Variants in TRAF3 observed in about 807,000 individuals in gnomAD.
TRAF3 encodes the protein TNF receptor-associated factor 3.
Under a neutral mutation model 62.3 loss-of-function variants are expected in TRAF3, and 13 were observed. The ratio of observed to expected loss-of-function variants is 0.21; its 90% CI spans 0.14 to 0.33. The LOEUF (loss-of-function observed/expected upper bound fraction) is 0.33, where lower values mean the gene tolerates loss of function less well. Among genes scored for constraint, TRAF3 ranks in the 10% least tolerant of loss-of-function variants. TRAF3 has a pLI of 1.00. For missense variants in TRAF3, 440 were observed against 741.8 expected (o/e 0.59, Z 4.73); for synonymous variants, 269 against 283.4 (o/e 0.95, Z 0.51).
intron 1 of TRAF3, among the ~76,000 whole-genome samples, chr14:102,787,206 CA>C (rs1287586244): frequency 6.6e-6 from 1 of 151,910 alleles, no homozygotes; most frequent in Non-Finnish European, 1.5e-5. Context: ...TATTGGACTG[CA>C]AATAAATTAT....
At chr14:102,821,783 C>A (rs1307083681) in intron 1 of TRAF3, among the ~76,000 whole-genome samples, 1 of 152,208 alleles carries the variant, frequency 6.6e-6, no homozygotes, top group Non-Finnish European at 1.5e-5. Flanking sequence ...GTGGCTCACG[C>A]CTGTAATCCC....
At chr14:102,870,665 C>G (rs944962530) in intron 3 of TRAF3, among the ~76,000 whole-genome samples, 3 of 152,172 alleles carry the variant, frequency 2.0e-5, no homozygotes, top group African/African-American at 4.8e-5. Flanking sequence ...CTGCCCCGCC[C>G]GTGTCTTCCC....
chr14:102,819,662 G>C (rs1899772984), intron 1 of TRAF3, among the ~76,000 whole-genome samples: 1 of 152,216 alleles, frequency 6.6e-6, no homozygotes, highest in Non-Finnish European at 1.5e-5. Context: ...CCACACCTTT[G>C]TGACTCTCAG....
intron 1 of TRAF3, among the ~76,000 whole-genome samples, chr14:102,824,475 A>T (rs1024783591): frequency 2.0e-5 from 3 of 152,228 alleles, no homozygotes; most frequent in African/African-American, 7.2e-5. Context: ...CTGTGGCCCC[A>T]GTGGCACCTA....
chr14:102,891,254 C>T (rs944037805), intron 8 of TRAF3, 71 bp from the exon 9 acceptor site: 41 of 1,384,604 alleles, frequency 3.0e-5, no homozygotes, highest in African/African-American at 7.1e-5. Context: ...CTTTTAGGGT[C>T]GTATGTTAGC....
At position 102,903,655 on chromosome 14, in the gene TRAF3, G is replaced by A. The variant is rs1214280023; in HGVS notation, c.1135+226G>A. The A allele has an allele frequency of 1.4e-5, 10 of 697,136 alleles. No individual in the cohort carries two copies. Among genetic ancestry groups the A allele is most frequent in the Admixed American group, 6.2e-5 (3 of 48,220 alleles). 43.2% of individuals were successfully genotyped at this position (697,136 alleles called of 1,614,324 possible). ...TCCCCTCCGTGTGAGGCCCTACATG[G>A]TGTAGAAAGTAGGGGCAGCTGCAGC... is the stretch of plus-strand genomic sequence containing the variant. On this transcript the variant is annotated intron_variant, in intron 11 of 11. Coordinates refer to ENST00000392745, the MANE Select transcript of TRAF3 (RefSeq NM_145725.3). This position sits in a 1 kb window ranked among gnomAD's most constrained non-coding sequence, Gnocchi z 6.4.
At chr14:102,804,378 T>C (rs1898641051) in intron 1 of TRAF3, among the ~76,000 whole-genome samples, 2 of 152,336 alleles carry the variant, frequency 1.3e-5, no homozygotes, top group African/African-American at 4.8e-5. Flanking sequence ...ATGAAAATTA[T>C]CAGTATGTCC....
At chr14:102,849,597 A>G (rs2139721340) in intron 2 of TRAF3, among the ~76,000 whole-genome samples, 1 of 152,294 alleles carries the variant, frequency 6.6e-6, no homozygotes, top group South Asian at 2.1e-4. Context: ...AGTCTGCCTG[A>G]GTCACTTGGT....
chr14:102,819,998 C>G (rs1899793205), intron 1 of TRAF3, among the ~76,000 whole-genome samples: 1 of 152,218 alleles, frequency 6.6e-6, no homozygotes. Flanking sequence ...TGCTGAAATA[C>G]AAAGGAAGAA....
chr14:102,897,526 T>C, intron 10 of TRAF3, 125 bp downstream of exon 10: 1 of 1,285,334 alleles, frequency 7.8e-7, no homozygotes, highest in Admixed American at 2.1e-5. Context: ...GGCAACTGAT[T>C]TCTCTGGCCT....
At chr14:102,780,057 C>T (rs1330429508) in intron 1 of TRAF3, among the ~76,000 whole-genome samples, 2 of 152,138 alleles carry the variant, frequency 1.3e-5, no homozygotes, top group Non-Finnish European at 2.9e-5. Flanking sequence ...TAATAACTGA[C>T]TTCAGATACA....
chr14:102,848,141 G>C (rs375499558), intron 2 of TRAF3, among the ~76,000 whole-genome samples: 3 of 152,316 alleles, frequency 2.0e-5, no homozygotes, highest in African/African-American at 7.2e-5. Flanking sequence ...TTCTCTAGGA[G>C]TTTGAAAGAA....
chr14:102,885,287 TCAG>T (rs1304118674), intron 6 of TRAF3, among the ~76,000 whole-genome samples: 1 of 152,170 alleles, frequency 6.6e-6, no homozygotes, highest in Non-Finnish European at 1.5e-5. Flanking sequence ...CCCAGTTCCT[TCAG>T]CAGAACAGCA....
At chr14:102,898,631 C>T (rs1233096794) in intron 10 of TRAF3, among the ~76,000 whole-genome samples, 1 of 152,240 alleles carries the variant, frequency 6.6e-6, no homozygotes, top group Non-Finnish European at 1.5e-5. Flanking sequence ...ATAGCCACAA[C>T]AGAAGGAAGA....
chr14:102,864,733 G>A (rs1887882330), intron 2 of TRAF3, among the ~76,000 whole-genome samples: 2 of 152,300 alleles, frequency 1.3e-5, no homozygotes, highest in Admixed American at 1.3e-4. Context: ...CCTCCCTGCT[G>A]TTAAGAACTT....
chr14:102,790,624 A>G (rs56101042), intron 1 of TRAF3, among the ~76,000 whole-genome samples: 32,265 of 152,054 alleles, frequency 0.21, 3,696 homozygotes, highest in East Asian at 0.38. Flanking sequence ...GAGACTTACT[A>G]TCATGAGAAC....
Position 102,826,858 on chromosome 14 carries a change from C to T in TRAF3, c.-156-3476C>T, listed in dbSNP as rs1047363224. Among the ~76,000 whole-genome samples the T allele has an allele frequency of 2.6e-5, 4 of 152,146 alleles. No homozygotes were observed. The highest frequency in any genetic ancestry group is 7.2e-5 in the African/African-American group (3 of 41,440). On this transcript the variant is annotated intron_variant, in intron 1 of 11. Coordinates refer to ENST00000392745, the MANE Select transcript of TRAF3 (RefSeq NM_145725.3). The surrounding 1 kb of genome is among the most constrained non-coding windows in gnomAD (Gnocchi z 4.6). The stretch of plus-strand genomic sequence containing the variant: ...CTTATGGGTGGCGGCGTGGTGAGGT[C>T]GCACAACACAGAGCTGCCCTGCTGT...
intron 2 of TRAF3, among the ~76,000 whole-genome samples, chr14:102,850,188 G>C (rs982628113): frequency 6.6e-6 from 1 of 152,214 alleles, no homozygotes; most frequent in African/African-American, 2.4e-5. Flanking sequence ...CCTCTTTGCT[G>C]TACTAGGTAT....
In TRAF3 at chr14:102,832,717, A is replaced by C. The variant is rs529685913; in HGVS notation, c.-18+2245A>C. Among the ~76,000 whole-genome samples, 12 of 152,234 alleles carry C rather than the reference A, an allele frequency of 7.9e-5. No individual in the cohort carries two copies. The South Asian group carries it at 2.5e-3, about 32-fold the overall frequency. On this transcript the variant is annotated intron_variant, in intron 2 of 11. Transcript: ENST00000392745. ...TTTATCAAGCACTACCTACACACAC[A>C]CCCACTCTCTCTTATACACACACAA...
Sources: allele counts gnomAD v4.1 joint callset (sites outside exome capture counted in the v4.1 genomes callset), GRCh38; gene constraint gnomAD v4.1.1; non-coding constraint Gnocchi (gnomAD v3.1); transcripts MANE v1.5; gene names NCBI Gene and HGNC (gene_info 2026-07-23, HGNC 2026-07-21).